Variants in SRRM3 observed in about 807,000 individuals in gnomAD.
SRRM3 encodes the protein serine/arginine repetitive matrix protein 3.
Under a neutral mutation model 66.2 loss-of-function variants are expected in SRRM3, and 27 were observed. The observed-to-expected ratio is 0.41, with a 90% CI of 0.30 to 0.56. The LOEUF (loss-of-function observed/expected upper bound fraction) is 0.56. Ranked by LOEUF, SRRM3 falls within the 20% of genes least tolerant of loss-of-function variation. SRRM3 has a pLI of 0.32. For missense variants in SRRM3, 918 were observed against 991.9 expected (o/e 0.93, Z 1.00); for synonymous variants, 391 against 414.9 (o/e 0.94, Z 0.70).
chr7:76,267,175 GA>G, intron 10 of SRRM3, 82 bp from the exon 11 acceptor site: 2 of 1,282,112 alleles, frequency 1.6e-6, no homozygotes, highest in Non-Finnish European at 1.0e-6. Context: ...CCGTGCTGGG[GA>G]AGGGGGAAAG....
Position 76,282,676 on chromosome 7 carries a change from C to A in SRRM3, c.1399C>A (p.Pro467Thr), listed in dbSNP as rs1554612129. Residue 467 changes from proline (P) to threonine (T), a missense_variant, in exon 13 of 15, where the codon CCC becomes ACC. Transcript: ENST00000611745. Reference sequence around the variant, plus strand: ...CAAGGAGCGGCCCCCGCGCGCGCGGCCCGCCAGCACCTCTCCGTCCCCGGG... The same window carrying A: ...CAAGGAGCGGCCCCCGCGCGCGCGGACCGCCAGCACCTCTCCGTCCCCGGG... ...RAKERPPRAR[P>T]ASTSPSPGAH... The A allele has an allele frequency of 7.1e-7, 1 of 1,407,702 alleles. No individual in the cohort carries two copies. The highest frequency in any genetic ancestry group is 3.2e-5 in the Admixed American group (1 of 31,082). 87.2% of individuals were successfully genotyped at this position (1,407,702 alleles called of 1,614,324 possible).
intron 11 of SRRM3, among the ~76,000 whole-genome samples, chr7:76,280,043 T>C (rs1471943253): frequency 6.6e-6 from 1 of 151,326 alleles, no homozygotes; most frequent in Non-Finnish European, 1.5e-5. Flanking sequence ...TTACACACCT[T>C]ACCTACTAAA....
intron 1 of SRRM3, among the ~76,000 whole-genome samples, chr7:76,208,205 C>T (rs1554601337): frequency 6.6e-6 from 1 of 152,096 alleles, no homozygotes; most frequent in African/African-American, 2.4e-5. Flanking sequence ...GGGCTTGGAT[C>T]CAACAAGACC....
chr7:76,206,826 G>A (rs574493027), intron 1 of SRRM3, among the ~76,000 whole-genome samples: 6 of 152,272 alleles, frequency 3.9e-5, no homozygotes, highest in Admixed American at 6.5e-5. Context: ...TGCCGCCCCC[G>A]CCCTGGCCTC....
chr7:76,251,698 G>T (rs1285809045), intron 3 of SRRM3, among the ~76,000 whole-genome samples: 1 of 152,122 alleles, frequency 6.6e-6, no homozygotes, highest in African/African-American at 2.4e-5. Flanking sequence ...GGAAGGCTGA[G>T]GTGGGAGGAT....
chr7:76,264,037 A>G (rs1460553388), intron 8 of SRRM3, among the ~76,000 whole-genome samples: 4 of 151,562 alleles, frequency 2.6e-5, no homozygotes, highest in Admixed American at 1.3e-4. Context: ...ACACCCCAAT[A>G]CTCAAGGGAA....
intron 1 of SRRM3, among the ~76,000 whole-genome samples, chr7:76,220,167 A>G (rs1800673157): frequency 6.6e-6 from 1 of 152,224 alleles, no homozygotes; most frequent in Non-Finnish European, 1.5e-5. Flanking sequence ...TGTGCTGAGC[A>G]CTAGGGATAC....
intron 8 of SRRM3, 121 bp downstream of exon 8, chr7:76,261,702 C>G (rs1199570503): frequency 1.8e-6 from 2 of 1,141,134 alleles, no homozygotes; most frequent in East Asian, 2.6e-5. Context: ...CTCCAGGGTT[C>G]CTTCCCACAG....
intron 6 of SRRM3, among the ~76,000 whole-genome samples, 162 bp from the exon 7 acceptor site, chr7:76,261,190 G>A (rs374661912): frequency 6.6e-6 from 1 of 151,956 alleles, no homozygotes. Flanking sequence ...GGACCTTGGC[G>A]ACCCTTGGGG....
intron 11 of SRRM3, among the ~76,000 whole-genome samples, chr7:76,280,802 C>G (rs562709458): frequency 2.3e-4 from 34 of 146,138 alleles, no homozygotes; most frequent in African/African-American, 8.6e-4. Flanking sequence ...ACTTCTCGCT[C>G]CTCTTGCTCT....
intron 1 of SRRM3, among the ~76,000 whole-genome samples, chr7:76,206,089 C>G (rs977232349): frequency 2.0e-5 from 3 of 152,076 alleles, no homozygotes; most frequent in Admixed American, 6.6e-5. Context: ...CTCACTGCAG[C>G]CTTGACCTCC....
At chr7:76,260,288 T>A in intron 5 of SRRM3, 91 bp downstream of exon 5, 1 of 976,154 alleles carries the variant, frequency 1.0e-6, no homozygotes, top group East Asian at 3.1e-5. Flanking sequence ...ATGCAGCATT[T>A]GTGAGCCCCG....
chr7:76,267,169 G>A, intron 10 of SRRM3, 89 bp from the exon 11 acceptor site: 2 of 1,228,342 alleles, frequency 1.6e-6, no homozygotes, highest in Non-Finnish European at 2.2e-6. Context: ...CTTTCCCCGT[G>A]CTGGGGAAGG....
Position 76,261,530 on chromosome 7 carries a change from C to T in SRRM3, c.639-16C>T. 1.2e-6 allele frequency: 2 copies of T among 1,611,160 alleles called. No homozygotes were observed. Among genetic ancestry groups the T allele is most frequent in the Non-Finnish European group, 1.7e-6 (2 of 1,178,726 alleles). On this transcript the variant is annotated splice_polypyrimidine_tract_variant and intron_variant, in intron 7 of 14. Transcript: ENST00000611745. ...ACCCCAGGCAGGCTCAAGAGAACTC[C>T]TTTATCGCCCTACAGGTCTGATTCT...
chr7:76,250,783 C>T (rs142485707), intron 3 of SRRM3, among the ~76,000 whole-genome samples: 31 of 152,300 alleles, frequency 2.0e-4, no homozygotes, highest in African/African-American at 6.5e-4. Context: ...ATGTAAAGTG[C>T]TCATCGTACC....
chr7:76,250,640 A>G (rs1554606772), intron 3 of SRRM3, among the ~76,000 whole-genome samples: 1 of 152,184 alleles, frequency 6.6e-6, no homozygotes, highest in African/African-American at 2.4e-5. Context: ...TGAGGGGTAA[A>G]GTATTTCCCA....
intron 3 of SRRM3, among the ~76,000 whole-genome samples, chr7:76,251,849 G>A (rs1554606942): frequency 6.6e-6 from 1 of 152,052 alleles, no homozygotes; most frequent in Non-Finnish European, 1.5e-5. Context: ...GATCACTTGA[G>A]GTCAGGAGTT....
intron 9 of SRRM3, 102 bp downstream of exon 9, chr7:76,264,917 A>G (rs1801970503): frequency 7.8e-7 from 1 of 1,287,198 alleles, no homozygotes; most frequent in South Asian, 1.4e-5. Context: ...AAGGTAGCTC[A>G]TTTTGCCCAG....
rs1395311721 is a variant in SRRM3, at chr7:76,286,717, TG to T, written c.*877del. On this transcript the variant is annotated 3_prime_UTR_variant, in exon 15 of 15. Coordinates refer to ENST00000611745, the MANE Select transcript of SRRM3 (RefSeq NM_001110199.3). ...AGAGGTGGGAGAGGAAAGGGGTAGATGGGAGGTGGAATCTGTAGGAAAGAGA... is the reference window on the plus strand; with the variant it reads ...AGAGGTGGGAGAGGAAAGGGGTAGATGGAGGTGGAATCTGTAGGAAAGAGA... 6.6e-6 allele frequency: 1 copy of T among 152,226 alleles called. No homozygotes were observed. Among genetic ancestry groups the T allele is most frequent in the Non-Finnish European group, 1.5e-5 (1 of 68,098 alleles). 9.4% of individuals were successfully genotyped at this position (152,226 alleles called of 1,614,324 possible).
Sources: allele counts gnomAD v4.1 joint callset (sites outside exome capture counted in the v4.1 genomes callset), GRCh38; gene constraint gnomAD v4.1.1; transcripts MANE v1.5; gene names NCBI Gene and HGNC (gene_info 2026-07-23, HGNC 2026-07-21).